The following PIP5K1B variants were observed in gnomAD, a reference collection of about 807,000 sequenced individuals.
PIP5K1B encodes the protein phosphatidylinositol 4-phosphate 5-kinase type-1 beta.
PIP5K1B carries 42 observed loss-of-function variants against 67.0 expected under a neutral mutation model. That is an observed-to-expected ratio of 0.63 (90% CI 0.49 to 0.81). The LOEUF (loss-of-function observed/expected upper bound fraction) is 0.81, where lower values mean the gene tolerates loss of function less well. PIP5K1B is among the 30% of genes least tolerant of loss of function. The pLI is 0.00. For missense variants in PIP5K1B, 459 were observed against 646.3 expected, an observed-to-expected ratio of 0.71 and a Z score of 3.14; for synonymous variants, 214 against 231.4, an observed-to-expected ratio of 0.92 and a Z score of 0.68.
At chr9:68,854,869 G>T (rs148869294) in intron 4 of PIP5K1B, among the ~76,000 whole-genome samples, 1 of 152,080 alleles carries the variant, frequency 6.6e-6, no homozygotes, top group Non-Finnish European at 1.5e-5. Context: ...ATATGTACAC[G>T]TGTACTTGGT....
intron 14 of PIP5K1B, chr9:68,941,197 T>C (rs562504700): frequency 1.3e-4 from 59 of 439,910 alleles, no homozygotes; most frequent in African/African-American, 1.1e-3. Context: ...ACAGAATAAT[T>C]GCTCCCCCAA....
chr9:68,907,552 G>A (rs1825676193), intron 8 of PIP5K1B, among the ~76,000 whole-genome samples: 1 of 151,852 alleles, frequency 6.6e-6, no homozygotes, highest in African/African-American at 2.4e-5. Flanking sequence ...CACTCTGTAG[G>A]TACTTGCTGT....
intron 1 of PIP5K1B, among the ~76,000 whole-genome samples, chr9:68,729,719 A>G (rs1025233883): frequency 7.2e-5 from 11 of 152,170 alleles, no homozygotes; most frequent in Admixed American, 3.9e-4. Flanking sequence ...AGTAAAAGCA[A>G]TACAATCTGA....
chr9:68,940,411 T>C (rs1034784851), intron 13 of PIP5K1B, among the ~76,000 whole-genome samples: 4 of 152,228 alleles, frequency 2.6e-5, no homozygotes, highest in Admixed American at 2.6e-4. Context: ...ATTCATAATG[T>C]CATTTCCATG....
At chr9:68,889,451 G>A (rs923996486) in intron 7 of PIP5K1B, among the ~76,000 whole-genome samples, 11 of 152,088 alleles carry the variant, frequency 7.2e-5, no homozygotes, top group African/African-American at 2.2e-4. Context: ...TGAGAAATAC[G>A]TGGCCAGGCG....
intron 1 of PIP5K1B, among the ~76,000 whole-genome samples, chr9:68,737,377 G>C (rs928276318): frequency 1.3e-5 from 2 of 152,188 alleles, no homozygotes; most frequent in African/African-American, 4.8e-5. Context: ...ATGGGGACAG[G>C]ATTAGACTAT....
At chr9:68,884,661 T>A (rs1196347719) in intron 6 of PIP5K1B, among the ~76,000 whole-genome samples, 1 of 108,210 alleles carries the variant, frequency 9.2e-6, no homozygotes, top group Non-Finnish European at 1.8e-5. Context: ...CAGGACCTTG[T>A]CTTTAAAAAA....
At chr9:68,742,245 T>C (rs1020396021) in intron 1 of PIP5K1B, 2 of 152,208 alleles carry the variant, frequency 1.3e-5, no homozygotes, top group African/African-American at 4.8e-5. Flanking sequence ...TAGCACTGTT[T>C]CCATGGGAAA....
intron 11 of PIP5K1B, among the ~76,000 whole-genome samples, chr9:68,920,073 A>C (rs1587667205): frequency 6.6e-6 from 1 of 152,164 alleles, no homozygotes; most frequent in Non-Finnish European, 1.5e-5. Context: ...AAGCTACAGT[A>C]AGTGTGAGTC....
At chr9:68,807,041 A>G (rs1300345371) in intron 2 of PIP5K1B, among the ~76,000 whole-genome samples, 1 of 152,014 alleles carries the variant, frequency 6.6e-6, no homozygotes, top group East Asian at 1.9e-4. Flanking sequence ...GTTAGAGGCA[A>G]AGCCAAGTAA....
intron 4 of PIP5K1B, among the ~76,000 whole-genome samples, chr9:68,852,429 G>T (rs1006059103): frequency 3.3e-5 from 5 of 151,818 alleles, no homozygotes; most frequent in Non-Finnish European, 5.9e-5. Context: ...AAGATCCACA[G>T]AGAGGAGCTG....
chr9:68,740,772 C>A (rs1444209085), intron 1 of PIP5K1B, among the ~76,000 whole-genome samples: 2 of 152,216 alleles, frequency 1.3e-5, no homozygotes, highest in African/African-American at 4.8e-5. Context: ...TTATGAAGTT[C>A]ATTAGTCTCT....
intron 2 of PIP5K1B, among the ~76,000 whole-genome samples, chr9:68,804,617 G>A (rs80082773): frequency 0.041 from 6,035 of 148,200 alleles, 179 homozygotes; most frequent in South Asian, 0.083. Context: ...TGAGAGACAG[G>A]GTCTCACTCT....
At position 68,919,943 on chromosome 9, in the gene PIP5K1B, C is replaced by T. The variant is rs548636920; in HGVS notation, c.1116+214C>T. Among the ~76,000 whole-genome samples, 8 of 152,246 alleles carry T rather than the reference C, an allele frequency of 5.3e-5. No homozygotes were observed. The South Asian group carries it at 1.7e-3, about 32-fold the overall frequency. On this transcript the variant is annotated intron_variant, in intron 11 of 15. Coordinates refer to ENST00000265382, the MANE Select transcript of PIP5K1B (RefSeq NM_003558.4). ...TTCAAATACATGACATCCAGCCTAGCGGCCAGAAAAACAAAATGATATCTG... is the reference window on the plus strand; with the variant it reads ...TTCAAATACATGACATCCAGCCTAGTGGCCAGAAAAACAAAATGATATCTG...
At chr9:68,798,315 T>TG (rs1379492376) in intron 2 of PIP5K1B, among the ~76,000 whole-genome samples, 2 of 152,200 alleles carry the variant, frequency 1.3e-5, no homozygotes, top group Admixed American at 1.3e-4. Flanking sequence ...GTAGACACTG[T>TG]GGACCAGTCA....
chr9:68,744,554 G>A (rs946742638), intron 2 of PIP5K1B, among the ~76,000 whole-genome samples: 1 of 152,236 alleles, frequency 6.6e-6, no homozygotes, highest in African/African-American at 2.4e-5. Flanking sequence ...GCTAGGGCCT[G>A]TTGCAGGGAG....
At chr9:68,879,850 CAAAT>C (rs1406693236) in intron 6 of PIP5K1B, among the ~76,000 whole-genome samples, 2 of 152,018 alleles carry the variant, frequency 1.3e-5, no homozygotes, top group African/African-American at 2.4e-5. Flanking sequence ...GTTCCCACCA[CAAAT>C]AAAGTGATGA....
chr9:68,707,116 G>T (rs1476788667), intron 1 of PIP5K1B, among the ~76,000 whole-genome samples: 2 of 152,122 alleles, frequency 1.3e-5, no homozygotes, highest in Non-Finnish European at 2.9e-5. Context: ...TGAGCGGAGG[G>T]AAACGGTGGT....
chr9:68,946,659 G>A (rs1827818973), intron 14 of PIP5K1B, among the ~76,000 whole-genome samples: 1 of 152,126 alleles, frequency 6.6e-6, no homozygotes, highest in South Asian at 2.1e-4. Flanking sequence ...CTCCAAAAGT[G>A]CTGGGATTAC....
Sources: allele counts gnomAD v4.1 joint callset (sites outside exome capture counted in the v4.1 genomes callset), GRCh38; gene constraint gnomAD v4.1.1; transcripts MANE v1.5; gene names NCBI Gene and HGNC (gene_info 2026-07-23, HGNC 2026-07-21).